ERBB4: variants seen among roughly 807,000 people sequenced by gnomAD.
ERBB4 encodes the protein receptor tyrosine-protein kinase erbB-4.
A neutral mutation model predicts 158.0 loss-of-function variants in ERBB4; 42 were observed. That is an observed-to-expected ratio of 0.27 (90% CI 0.21 to 0.34). The LOEUF (loss-of-function observed/expected upper bound fraction) is 0.34. Ranked by LOEUF, ERBB4 falls within the 10% of genes least tolerant of loss-of-function variation. The pLI is 1.00. For synonymous variants in ERBB4, 583 were observed against 558.7 expected (o/e 1.04, Z -0.61); for missense variants, 1,333 against 1,624.1 (o/e 0.82, Z 3.08).
At chr2:212,263,119 G>A (rs1315916985) in intron 1 of ERBB4, among the ~76,000 whole-genome samples, 11 of 152,150 alleles carry the variant, frequency 7.2e-5, no homozygotes. Flanking sequence ...GATGGAGGCA[G>A]AGGTTTCAAT....
intron 1 of ERBB4, among the ~76,000 whole-genome samples, chr2:212,208,739 T>C (rs1298491789): frequency 6.6e-6 from 1 of 152,178 alleles, no homozygotes; most frequent in East Asian, 1.9e-4. Flanking sequence ...ATAACAATTA[T>C]GTCAATTTAA....
chr2:211,610,855 C>T (rs944680133), intron 19 of ERBB4, among the ~76,000 whole-genome samples: 2 of 152,036 alleles, frequency 1.3e-5, no homozygotes, highest in African/African-American at 2.4e-5. Context: ...AGAAATGCTT[C>T]GGAGAAACAG....
intron 2 of ERBB4, among the ~76,000 whole-genome samples, chr2:212,112,530 T>A (rs2079443740): frequency 6.6e-6 from 1 of 152,086 alleles, no homozygotes; most frequent in Admixed American, 6.6e-5. Flanking sequence ...GGGTCATTGG[T>A]AAATAGTAGG....
At chr2:212,356,924 G>A (rs2089483411) in intron 1 of ERBB4, among the ~76,000 whole-genome samples, 1 of 151,890 alleles carries the variant, frequency 6.6e-6, no homozygotes, top group Admixed American at 6.6e-5. Context: ...TTAAACTCTA[G>A]ATCATATCAA....
intron 15 of ERBB4, among the ~76,000 whole-genome samples, chr2:211,660,100 T>G (rs2071362396): frequency 6.6e-6 from 1 of 151,998 alleles, no homozygotes; most frequent in Non-Finnish European, 1.5e-5. Flanking sequence ...CATGAGGCAA[T>G]AGGAAGAGGG....
At chr2:211,432,002 A>G (rs2063756440) in intron 20 of ERBB4, among the ~76,000 whole-genome samples, 1 of 152,202 alleles carries the variant, frequency 6.6e-6, no homozygotes, top group African/African-American at 2.4e-5. Flanking sequence ...GCTAAACATT[A>G]TGTTTAACAA....
intron 11 of ERBB4, 41 bp downstream of exon 11, chr2:211,704,063 T>G: frequency 3.9e-5 from 44 of 1,134,340 alleles, no homozygotes; most frequent in Non-Finnish European, 5.4e-5. Context: ...ATGCTCCTCT[T>G]GAAATCTGTG....
intron 25 of ERBB4, among the ~76,000 whole-genome samples, chr2:211,415,704 A>G (rs1165113590): frequency 4.6e-5 from 7 of 152,202 alleles, no homozygotes; most frequent in Non-Finnish European, 7.3e-5. Flanking sequence ...AATAAAGTAG[A>G]GAGAATCATA....
intron 2 of ERBB4, among the ~76,000 whole-genome samples, chr2:212,017,720 A>G (rs1405463655): frequency 2.6e-5 from 4 of 152,174 alleles, no homozygotes; most frequent in Non-Finnish European, 5.9e-5. Context: ...ATTTCCAAGT[A>G]AGCCATTTGA....
intron 5 of ERBB4, among the ~76,000 whole-genome samples, chr2:211,743,247 A>C (rs1268793459): frequency 6.6e-6 from 1 of 152,196 alleles, no homozygotes; most frequent in African/African-American, 2.4e-5. Flanking sequence ...ATCAGCCTAG[A>C]AAACTTCACA....
At chr2:211,452,545 A>C (rs2064275719) in intron 20 of ERBB4, among the ~76,000 whole-genome samples, 1 of 152,188 alleles carries the variant, frequency 6.6e-6, no homozygotes, top group Admixed American at 6.5e-5. Context: ...ATACTCTTTC[A>C]GTTATTACCC....
intron 25 of ERBB4, among the ~76,000 whole-genome samples, chr2:211,399,380 A>G (rs2062986777): frequency 6.6e-6 from 1 of 152,288 alleles, no homozygotes; most frequent in East Asian, 1.9e-4. Context: ...AATGTCTTAA[A>G]CCCAAAGAGT....
intron 3 of ERBB4, among the ~76,000 whole-genome samples, chr2:211,869,262 A>G (rs2106108237): frequency 6.6e-6 from 1 of 152,316 alleles, no homozygotes; most frequent in South Asian, 2.1e-4. Context: ...TGTGTTTTTA[A>G]CAGTTAGCAG....
rs556274826 is a variant in ERBB4, at chr2:211,784,137, C to A, written c.556+3888G>T. Among the ~76,000 whole-genome samples the A allele has an allele frequency of 2.6e-4, 39 of 152,262 alleles. No individual in the cohort carries two copies. The South Asian group carries it at 7.9e-3, about 31-fold the overall frequency. Reference sequence around the variant, plus strand: ...AGAACATAATATTTACCATCTTAACCACTTTTAAGTGTATGTTTAGTAATG... The same window carrying A: ...AGAACATAATATTTACCATCTTAACAACTTTTAAGTGTATGTTTAGTAATG... On this transcript the variant is annotated intron_variant, in intron 4 of 27. Coordinates refer to ENST00000342788, the MANE Select transcript of ERBB4 (RefSeq NM_005235.3).
intron 20 of ERBB4, among the ~76,000 whole-genome samples, chr2:211,552,384 C>A (rs1270946499): frequency 6.6e-6 from 1 of 152,008 alleles, no homozygotes; most frequent in Non-Finnish European, 1.5e-5. Context: ...TGGCTAGACA[C>A]ACTAATTCTT....
intron 22 of ERBB4, among the ~76,000 whole-genome samples, chr2:211,424,973 T>A (rs2063593843): frequency 6.6e-6 from 1 of 152,152 alleles, no homozygotes; most frequent in Admixed American, 6.6e-5. Context: ...CTTGAATCAC[T>A]GGGACATTGA....
chr2:212,177,817 T>G (rs957794770), intron 1 of ERBB4, among the ~76,000 whole-genome samples: 1 of 151,920 alleles, frequency 6.6e-6, no homozygotes, highest in Non-Finnish European at 1.5e-5. Flanking sequence ...AGATAAGTAG[T>G]CTATGAGAAT....
intron 1 of ERBB4, among the ~76,000 whole-genome samples, chr2:212,412,142 T>A (rs749480848): frequency 6.6e-6 from 1 of 152,156 alleles, no homozygotes; most frequent in African/African-American, 2.4e-5. Context: ...GGTGTGAGAA[T>A]AGAAATCAAA....
intron 2 of ERBB4, among the ~76,000 whole-genome samples, chr2:212,077,090 TACC>T (rs1339972508): frequency 6.6e-6 from 1 of 151,982 alleles, no homozygotes; most frequent in Non-Finnish European, 1.5e-5. Flanking sequence ...CAAAATGGAA[TACC>T]ACAACACACC....
Sources: allele counts gnomAD v4.1 joint callset (sites outside exome capture counted in the v4.1 genomes callset), GRCh38; gene constraint gnomAD v4.1.1; transcripts MANE v1.5; gene names NCBI Gene and HGNC (gene_info 2026-07-23, HGNC 2026-07-21).